The following GFAP variants were observed in gnomAD, a reference collection of about 807,000 sequenced individuals.
GFAP encodes the protein glial fibrillary acidic protein.
GFAP carries 38 observed loss-of-function variants against 49.3 expected under a neutral mutation model. That is an observed-to-expected ratio of 0.77 (90% CI 0.60 to 1.01). GFAP has a LOEUF of 1.01. GFAP is among the 50% of genes least tolerant of loss of function. The probability of loss-of-function intolerance (pLI) is 0.00; values close to 1 mark genes in which losing one functional copy is unlikely to be tolerated. For synonymous variants in GFAP, 222 were observed against 236.4 expected (o/e 0.94, Z 0.56); for missense variants, 463 against 579.1 (o/e 0.80, Z 2.06).
Position 44,903,384 on chromosome 17 carries a change from G to C in GFAP, c.*3963C>G. The C allele has an allele frequency of 8.0e-7, 1 of 1,248,584 alleles. No homozygotes were observed. Among genetic ancestry groups the C allele is most frequent in the Non-Finnish European group, 1.0e-6 (1 of 997,672 alleles). The allele number at this position is 1,248,584 out of a possible 1,614,324, so 77.3% of individuals were successfully genotyped here. The stretch of plus-strand genomic sequence containing the variant: ...TCAGGTCCAGCCAGCCTCCCGGATG[G>C]CCAGATATGCAGGAGGGTGGGTTTC... On this transcript the variant is annotated 3_prime_UTR_variant, in exon 9 of 9. Transcript: ENST00000588735.
In GFAP at chr17:44,911,429, C is replaced by A. The variant is rs763868966; in HGVS notation, c.934G>T (p.Glu312Ter). 1.7e-5 allele frequency: 27 copies of A among 1,610,918 alleles called. No individual in the cohort carries two copies. In the East Asian group the frequency reaches 5.6e-4, roughly 33 times the overall value. ...TCCCGCACGTGCCGCTCCTCCTGCT[C>A]GCGCATCTGCCTCTCCAGGGACTCG... ...TNESLERQMR[E>*]QEERHVREAA... The change falls in exon 6 of 9, where the codon GAG becomes TAG. Residue 312 changes from glutamate to a stop codon, truncating the protein, a stop_gained. Coordinates refer to ENST00000588735, the MANE Select transcript of GFAP (RefSeq NM_002055.5). LOFTEE classifies it high-confidence loss of function.
chr17:44,903,786 G>T lies in GFAP; in HGVS notation c.*3561C>A. On this transcript the variant is annotated 3_prime_UTR_variant, in exon 9 of 9. Coordinates refer to ENST00000588735, the MANE Select transcript of GFAP (RefSeq NM_002055.5). Reference sequence around the variant, plus strand: ...TCTAGGAGCCCTATGAGCCTTTAATGCCCTGGTTTTGCCCTGCCCCTCTGA... The same window carrying T: ...TCTAGGAGCCCTATGAGCCTTTAATTCCCTGGTTTTGCCCTGCCCCTCTGA... 6.6e-7 allele frequency: 1 copy of T among 1,514,944 alleles called. No homozygotes were observed. 93.8% of individuals were successfully genotyped at this position (1,514,944 alleles called of 1,614,324 possible). A position where few individuals can be genotyped will look rare whatever the true frequency, so the allele number is the denominator to read the frequency against.
intron 6 of GFAP, 61 bp downstream of exon 6, chr17:44,911,175 A>G: frequency 6.9e-7 from 1 of 1,448,308 alleles, no homozygotes; most frequent in Non-Finnish European, 9.7e-7. Context: ...TGAAGGGAGC[A>G]AGATGAGCTC....
intron 6 of GFAP, 133 bp from the exon 7 acceptor site, chr17:44,910,791 T>C: frequency 7.5e-7 from 1 of 1,340,526 alleles, no homozygotes; most frequent in Non-Finnish European, 1.0e-6. Flanking sequence ...TCTCCTAGCT[T>C]TTTCCCCAGC....
In GFAP at chr17:44,903,521, C is replaced by T. The variant is rs1232057496; in HGVS notation, c.*3826G>A. 8.6e-6 allele frequency: 11 copies of T among 1,285,664 alleles called. No homozygotes were observed. The Admixed American group carries it at 2.2e-4, about 26-fold the overall frequency. The allele number at this position is 1,285,664 out of a possible 1,614,324, so 79.6% of individuals were successfully genotyped here. On this transcript the variant is annotated 3_prime_UTR_variant, in exon 9 of 9. Coordinates refer to ENST00000588735, the MANE Select transcript of GFAP (RefSeq NM_002055.5). ...GCACCTCGGCCCGCCCTTCTCATTC[C>T]GGTTTCCTTTGACCCATTCTTGGGT...
rs2051605397 is a variant in GFAP, at chr17:44,903,918, C to A, written c.*3429G>T. ...GAGAAGGAAAACATTTTTCAGAGGA[C>A]CCCCTGCCCTGCTTTCCTGATGTTT... On this transcript the variant is annotated 3_prime_UTR_variant, in exon 9 of 9. Transcript: ENST00000588735. 3.2e-6 allele frequency: 5 copies of A among 1,550,492 alleles called. No individual in the cohort carries two copies. Among genetic ancestry groups the A allele is most frequent in the Non-Finnish European group, 4.4e-6 (5 of 1,146,992 alleles).
Position 44,914,088 on chromosome 17 carries a change from C to G in GFAP, c.462G>C (p.Lys154Asn). The G allele has an allele frequency of 6.4e-7, 1 of 1,552,378 alleles. No homozygotes were observed. The highest frequency in any genetic ancestry group is 2.4e-5 in the East Asian group (1 of 41,254). Residue 154 changes from lysine to asparagine, a missense_variant and splice_region_variant, in exon 2 of 9, where the codon AAG (lysine) becomes AAC (asparagine). Lys to Asn is a moderately conservative substitution (Grantham distance 94). Transcript: ENST00000588735. ...LAQDLATVRQ[K>N]LQDETNLRLE... ...GCCTCAGGTTGGTTTCATCCTGGAGCCTGGAGTGGGGGGACACATTCCTGG... is the reference window on the plus strand; with the variant it reads ...GCCTCAGGTTGGTTTCATCCTGGAGGCTGGAGTGGGGGGACACATTCCTGG...
At chr17:44,914,826 C>G in intron 1 of GFAP, 200 bp downstream of exon 1, 1 of 602,060 alleles carries the variant, frequency 1.7e-6, no homozygotes, top group South Asian at 2.0e-5. Context: ...AGAAGGCATG[C>G]GGGCATCAGA....
chr17:44,914,109 C>G, intron 1 of GFAP, 21 bp from the exon 2 acceptor site: 1 of 1,541,652 alleles, frequency 6.5e-7, no homozygotes, highest in Non-Finnish European at 8.8e-7. Context: ...GGGACACATT[C>G]CTGGGTCCAG....
intron 6 of GFAP, 82 bp from the exon 7 acceptor site, chr17:44,910,740 A>T: frequency 6.5e-7 from 1 of 1,541,070 alleles, no homozygotes; most frequent in Non-Finnish European, 8.8e-7. Flanking sequence ...CCATCATGAC[A>T]ACTTGAACGC....
chr17:44,909,961 C>A, intron 7 of GFAP: 1 of 1,461,294 alleles, frequency 6.8e-7, no homozygotes, highest in Admixed American at 2.6e-5. Flanking sequence ...GTTTAATGTA[C>A]AGTTACTCTG....
At position 44,914,107 on chromosome 17, in the gene GFAP, T is replaced by G; in HGVS notation, c.462-19A>C. 6.5e-7 allele frequency: 1 copy of G among 1,538,892 alleles called. No individual in the cohort carries two copies. The highest frequency in any genetic ancestry group is 8.8e-7 in the Non-Finnish European group (1 of 1,135,488). On this transcript the variant is annotated intron_variant, in intron 1 of 8. Transcript: ENST00000588735. ...CTGGAGCCTGGAGTGGGGGGACACA[T>G]TCCTGGGTCCAGGCTCTTCTGAGGA...
In GFAP at chr17:44,915,101, T is replaced by A; in HGVS notation, c.386A>T (p.Gln129Leu). The change falls in exon 1 of 9, where the codon CAA becomes CTA. Residue 129 changes from glutamine (Q) to leucine (L), a missense_variant. Physicochemically the swap from Gln to Leu is moderately radical, Grantham distance 113 (BLOSUM62 -2). Transcript: ENST00000588735. The surrounding 1 kb of genome is among the most constrained non-coding windows in gnomAD (Gnocchi z 4.1). ...ELRELRLRLD[Q>L]LTANSARLEV... ...CAGCCGGGCGCTGTTGGCGGTGAGT[T>A]GATCGAGCCGCAGCCGCAGCTCTCG... 1 of 1,613,632 alleles carries A rather than the reference T, an allele frequency of 6.2e-7. No homozygotes were observed. The highest frequency in any genetic ancestry group is 8.5e-7 in the Non-Finnish European group (1 of 1,179,994).
chr17:44,905,256 G>C lies in GFAP; in HGVS notation c.*2091C>G. ...GATCTGAGAAGTGGAGGGGCCTGAG[G>C]CTGGTGGGAGATTGGGGACTGAGCT... On this transcript the variant is annotated 3_prime_UTR_variant, in exon 9 of 9. Coordinates refer to ENST00000588735, the MANE Select transcript of GFAP (RefSeq NM_002055.5). 1.7e-6 allele frequency: 1 copy of C among 600,562 alleles called. No individual in the cohort carries two copies. The highest frequency in any genetic ancestry group is 3.0e-6 in the Non-Finnish European group (1 of 332,004). 37.2% of individuals were successfully genotyped at this position (600,562 alleles called of 1,614,324 possible).
chr17:44,911,849 G>T, intron 4 of GFAP, 52 bp from the exon 5 acceptor site: 1 of 1,583,702 alleles, frequency 6.3e-7, no homozygotes, highest in Non-Finnish European at 8.6e-7. Context: ...GCAGGCACGG[G>T]CTCTGGGAAA....
Position 44,914,079 on chromosome 17 carries a change from A to G in GFAP, c.471T>C (p.Asp157=), listed in dbSNP as rs2051847311. 6.4e-7 allele frequency: 1 copy of G among 1,554,326 alleles called. No homozygotes were observed. Among genetic ancestry groups the G allele is most frequent in the Non-Finnish European group, 8.7e-7 (1 of 1,148,194 alleles). The stretch of plus-strand genomic sequence containing the variant: ...CGGCTTCCAGCCTCAGGTTGGTTTC[A>G]TCCTGGAGCCTGGAGTGGGGGGACA... ...DLATVRQKLQ[D]ETNLRLEAEN... is the part of the protein sequence containing the mutation. Residue 157 remains aspartate (D), a synonymous_variant, in exon 2 of 9, where the codon GAT becomes GAC. Coordinates refer to ENST00000588735, the MANE Select transcript of GFAP (RefSeq NM_002055.5).
chr17:44,911,162 C>G, intron 6 of GFAP, 74 bp downstream of exon 6: 1 of 1,344,836 alleles, frequency 7.4e-7, no homozygotes, highest in Non-Finnish European at 1.1e-6. Flanking sequence ...AAGACTCAGT[C>G]CCTGAAGGGA....
intron 7 of GFAP, chr17:44,909,907 C>T (rs763815260): frequency 1.2e-4 from 163 of 1,379,422 alleles, no homozygotes; most frequent in Admixed American, 1.8e-4. Flanking sequence ...AGCTCCACTG[C>T]GCACCCAAGG....
At position 44,904,328 on chromosome 17, in the gene GFAP, C is replaced by A; in HGVS notation, c.*3019G>T. On this transcript the variant is annotated 3_prime_UTR_variant, in exon 9 of 9. Coordinates refer to ENST00000588735, the MANE Select transcript of GFAP (RefSeq NM_002055.5). ...TGCAGATGAATACTATGGGCACCTC[C>A]ATGTCTTCACCACCTTCTGGGAATG... 1 of 1,543,140 alleles carries A rather than the reference C, an allele frequency of 6.5e-7. No individual in the cohort carries two copies. Among genetic ancestry groups the A allele is most frequent in the Non-Finnish European group, 8.8e-7 (1 of 1,142,676 alleles).
Sources: gnomAD v4.1 joint callset for allele counts on GRCh38, gnomAD v4.1.1 for gene constraint, Gnocchi (gnomAD v3.1) non-coding constraint, MANE v1.5 for transcripts, NCBI Gene and HGNC (gene_info 2026-07-23, HGNC 2026-07-21) for gene names.